Variants in ABHD18 observed in about 807,000 individuals in gnomAD.
ABHD18 encodes the protein abhydrolase domain containing 18, also known as cardiolipin-specific deacylase, mitochondrial.
In ABHD18, 55 loss-of-function variants were observed where a neutral mutation model predicts 65.9. That is an observed-to-expected ratio of 0.84 (90% CI 0.67 to 1.05). ABHD18 has a LOEUF of 1.05. Among genes scored for constraint, ABHD18 ranks in the 50% least tolerant of loss-of-function variants. The probability of loss-of-function intolerance (pLI) is 0.00; values close to 1 mark genes in which losing one functional copy is unlikely to be tolerated. For synonymous variants in ABHD18, 181 were observed against 180.2 expected (o/e 1.00, Z -0.04); for missense variants, 533 against 558.5 (o/e 0.95, Z 0.46).
rs61303818 is a variant in ABHD18, at chr4:128,013,977, CTTT to C, written c.470+2298_470+2300del. Among the ~76,000 whole-genome samples the C allele has an allele frequency of 0.01, 1,163 of 115,056 alleles. 46 individuals are homozygous for C. The East Asian group carries it at 0.18, about 18-fold the overall frequency. The allele number at this position is 115,056 out of a possible 152,430, so 75.5% of individuals were successfully genotyped here. On this transcript the variant is annotated intron_variant, in intron 7 of 12. Coordinates refer to ENST00000645843, the MANE Select transcript of ABHD18 (RefSeq NM_001358451.3). The stretch of plus-strand genomic sequence containing the variant: ...AGCTAAGTAGTTGAAGAATTTCCAC[CTTT>C]TTTTTTTTTTTTTTTTTTTTGAGAT...
intron 12 of ABHD18, 136 bp from the exon 13 acceptor site, chr4:128,035,626 G>A: frequency 1.8e-6 from 1 of 554,586 alleles, no homozygotes; most frequent in Non-Finnish European, 3.3e-6. Context: ...GAGGGTAACT[G>A]CCTATTTCAT....
At chr4:127,989,625 T>C (rs939145986) in intron 3 of ABHD18, 96 bp from the exon 4 acceptor site, 1 of 745,426 alleles carries the variant, frequency 1.3e-6, no homozygotes, top group African/African-American at 1.8e-5. Flanking sequence ...GAAAACATGA[T>C]TTTAATTGGA....
chr4:128,017,001 T>C (rs1019981126), intron 7 of ABHD18, among the ~76,000 whole-genome samples: 5 of 152,084 alleles, frequency 3.3e-5, no homozygotes, highest in African/African-American at 1.2e-4. Flanking sequence ...CACTGCAGCC[T>C]CTGCCTCCCA....
intron 4 of ABHD18, among the ~76,000 whole-genome samples, chr4:127,992,747 T>C (rs547383521): frequency 4.6e-5 from 7 of 152,160 alleles, no homozygotes; most frequent in African/African-American, 1.7e-4. Flanking sequence ...TCTCACTACA[T>C]TGTCCAGGCT....
At chr4:128,031,667 T>C (rs970320467) in intron 12 of ABHD18, among the ~76,000 whole-genome samples, 3 of 152,240 alleles carry the variant, frequency 2.0e-5, no homozygotes, top group Non-Finnish European at 4.4e-5. Flanking sequence ...ATGTTTGACA[T>C]GTTTTAGCTC....
chr4:127,969,457 C>T (rs1452679343), intron 1 of ABHD18, among the ~76,000 whole-genome samples: 2 of 152,010 alleles, frequency 1.3e-5, no homozygotes. Flanking sequence ...CCTCAGCCTC[C>T]CAAAGGGCTG....
rs182250348 is a variant in ABHD18, at chr4:128,008,412, C to T, written c.279-508C>T. On this transcript the variant is annotated intron_variant, in intron 4 of 12. Transcript: ENST00000645843. ...TCAGCCTCCTGAGTAGCTGGAATTA[C>T]GGGCATGTGCCACCATGCCCGGCTA... is the stretch of plus-strand genomic sequence containing the variant. Among the ~76,000 whole-genome samples the T allele has an allele frequency of 5.6e-3, 853 of 151,186 alleles. 10 individuals are homozygous for T. The highest frequency in any genetic ancestry group is 0.016 in the Admixed American group (246 of 15,192).
At chr4:128,002,338 C>T (rs2149114149) in intron 4 of ABHD18, among the ~76,000 whole-genome samples, 1 of 150,770 alleles carries the variant, frequency 6.6e-6, no homozygotes, top group South Asian at 2.1e-4. Flanking sequence ...GTGGAGTGTC[C>T]CTGCAATCTC....
chr4:127,983,614 C>T (rs1261231222), intron 2 of ABHD18, among the ~76,000 whole-genome samples: 1 of 152,062 alleles, frequency 6.6e-6, no homozygotes, highest in East Asian at 1.9e-4. Flanking sequence ...GTCTGTAATC[C>T]CAGCACTTTG....
chr4:128,008,784 T>G, intron 4 of ABHD18, 136 bp from the exon 5 acceptor site: 1 of 598,512 alleles, frequency 1.7e-6, no homozygotes, highest in Non-Finnish European at 2.9e-6. Flanking sequence ...ATTTAGTTAA[T>G]TACAATTTGA....
intron 1 of ABHD18, among the ~76,000 whole-genome samples, chr4:127,982,631 C>T (rs1194285927): frequency 1.3e-5 from 2 of 152,146 alleles, no homozygotes; most frequent in Non-Finnish European, 2.9e-5. Flanking sequence ...GCAGATAATA[C>T]ACTATCACAT....
chr4:128,011,808 T>A (rs1206899804), intron 7 of ABHD18, 108 bp downstream of exon 7: 1 of 271,402 alleles, frequency 3.7e-6, no homozygotes, highest in Non-Finnish European at 7.0e-6. Context: ...ACCTAAATAT[T>A]ATGGGGGGGG....
At chr4:127,971,075 C>CA (rs201291341) in intron 1 of ABHD18, among the ~76,000 whole-genome samples, 5,976 of 109,912 alleles carry the variant, frequency 0.054, 233 homozygotes, top group African/African-American at 0.13. Context: ...GACTCTGTCT[C>CA]AAAAAAAAAA....
intron 4 of ABHD18, 125 bp from the exon 5 acceptor site, chr4:128,008,795 A>G: frequency 3.2e-6 from 2 of 621,002 alleles, no homozygotes; most frequent in Non-Finnish European, 5.5e-6. Context: ...TACAATTTGA[A>G]TGTTAAAATT....
intron 1 of ABHD18, among the ~76,000 whole-genome samples, chr4:127,981,134 A>G (rs1316103173): frequency 6.6e-6 from 1 of 152,188 alleles, no homozygotes. Flanking sequence ...CTATTGGCTT[A>G]AATACTTACA....
At chr4:128,026,980 C>T (rs1355488193) in intron 10 of ABHD18, among the ~76,000 whole-genome samples, 2 of 151,988 alleles carry the variant, frequency 1.3e-5, no homozygotes, top group Non-Finnish European at 2.9e-5. Flanking sequence ...CAGAGTTTCA[C>T]CATGTTGGCC....
Position 128,004,772 on chromosome 4 carries a change from G to A in ABHD18, c.279-4148G>A, listed in dbSNP as rs186024699. Among the ~76,000 whole-genome samples the A allele has an allele frequency of 4.1e-3, 613 of 150,622 alleles. 3 individuals are homozygous for A. Among genetic ancestry groups the A allele is most frequent in the African/African-American group, 0.014 (588 of 40,972 alleles). ...CTAAAAATACAAAAATTAGCTGGTTGTGGTGGTGTGTGCCTGTAATCCCAG... is the reference window on the plus strand; with the variant it reads ...CTAAAAATACAAAAATTAGCTGGTTATGGTGGTGTGTGCCTGTAATCCCAG... On this transcript the variant is annotated intron_variant, in intron 4 of 12. Transcript: ENST00000645843.
intron 4 of ABHD18, among the ~76,000 whole-genome samples, chr4:128,002,182 G>A (rs1246558670): frequency 6.6e-6 from 1 of 152,130 alleles, no homozygotes; most frequent in African/African-American, 2.4e-5. Flanking sequence ...GGCTGAGGCA[G>A]GAGAATCACT....
chr4:128,009,280 T>G (rs1754148301), intron 6 of ABHD18, 89 bp downstream of exon 6: 2 of 779,202 alleles, frequency 2.6e-6, no homozygotes, highest in Non-Finnish European at 3.7e-6. Context: ...AACCAAGTTT[T>G]CTAAACCAGT....
Sources: gnomAD v4.1 joint callset for allele counts (sites outside exome capture counted in the v4.1 genomes callset) on GRCh38, gnomAD v4.1.1 for gene constraint, MANE v1.5 for transcripts, NCBI Gene and HGNC (gene_info 2026-07-23, HGNC 2026-07-21) for gene names.